TNC: variants seen among roughly 807,000 people sequenced by gnomAD.
The protein encoded by TNC is tenascin.
A neutral mutation model predicts 202.4 loss-of-function variants in TNC; 109 were observed. The observed-to-expected ratio is 0.54, with a 90% CI of 0.46 to 0.63. The LOEUF is 0.63. Among genes scored for constraint, TNC ranks in the 30% least tolerant of loss-of-function variants. TNC has a pLI of 0.00. For synonymous variants in TNC, 1,007 were observed against 1,089.7 expected, an observed-to-expected ratio of 0.92 and a Z score of 1.50; for missense variants, 2,756 against 2,833.3, an observed-to-expected ratio of 0.97 and a Z score of 0.62.
chr9:115,041,456 C>A (rs1374706824), intron 18 of TNC, among the ~76,000 whole-genome samples: 6 of 152,116 alleles, frequency 3.9e-5, no homozygotes, highest in Admixed American at 2.6e-4. Context: ...ATCTATTGCA[C>A]CCATTGTCTT....
At chr9:115,095,212 G>A (rs966048374) in intron 1 of TNC, among the ~76,000 whole-genome samples, 103 of 149,104 alleles carry the variant, frequency 6.9e-4, no homozygotes, top group African/African-American at 2.4e-3. Flanking sequence ...TAATGTATGC[G>A]AAAGAAATGG....
intron 1 of TNC, among the ~76,000 whole-genome samples, chr9:115,093,793 T>C (rs973042433): frequency 3.9e-5 from 6 of 152,142 alleles, no homozygotes; most frequent in African/African-American, 1.4e-4. Flanking sequence ...GACCAGAGTG[T>C]GAGTAGAGTG....
chr9:115,087,297 C>G, intron 2 of TNC, 24 bp from the exon 3 acceptor site: 1 of 1,605,454 alleles, frequency 6.2e-7, no homozygotes, highest in Non-Finnish European at 8.5e-7. Flanking sequence ...AACAGAAGTT[C>G]TCAGCCAGGC....
intron 6 of TNC, among the ~76,000 whole-genome samples, chr9:115,080,117 G>A (rs950537710): frequency 1.3e-5 from 2 of 151,896 alleles, no homozygotes; most frequent in Admixed American, 6.6e-5. Flanking sequence ...AAAATGAACA[G>A]GTAAATATTT....
chr9:115,116,063 A>G (rs1837440011), intron 1 of TNC, among the ~76,000 whole-genome samples: 1 of 152,210 alleles, frequency 6.6e-6, no homozygotes, highest in Admixed American at 6.5e-5. Context: ...AGTGTTTGCC[A>G]TATATTACCT....
intron 2 of TNC, among the ~76,000 whole-genome samples, chr9:115,090,213 G>A (rs1022154391): frequency 6.6e-5 from 10 of 152,264 alleles, no homozygotes; most frequent in Middle Eastern, 3.4e-3. Context: ...GCTCTCTGGG[G>A]TAGAAATTTC....
At chr9:115,030,195 C>T (rs199978073) in intron 24 of TNC, 59 bp downstream of exon 24, 3 of 1,525,156 alleles carry the variant, frequency 2.0e-6, no homozygotes, top group South Asian at 2.6e-5. Flanking sequence ...TCCTCCCCTG[C>T]TTTGCCCTCT....
intron 10 of TNC, among the ~76,000 whole-genome samples, chr9:115,070,157 A>C (rs1833357143): frequency 6.6e-6 from 1 of 152,156 alleles, no homozygotes; most frequent in Non-Finnish European, 1.5e-5. Context: ...ATACTTGCAT[A>C]ATATCAAGGC....
chr9:115,085,722 G>T (rs1016085948), intron 3 of TNC, 142 bp downstream of exon 3: 2 of 869,380 alleles, frequency 2.3e-6, no homozygotes, highest in Non-Finnish European at 3.4e-6. Flanking sequence ...GTCATTATGG[G>T]TGTGTGTTTA....
rs1231128613 is a variant in TNC, at chr9:115,030,337, G to A, written c.5989C>T (p.Leu1997Phe). 1 of 1,613,522 alleles carries A rather than the reference G, an allele frequency of 6.2e-7. No individual in the cohort carries two copies. The highest frequency in any genetic ancestry group is 8.5e-7 in the Non-Finnish European group (1 of 1,179,698). ...TCACCATTCAGATAAATGGTGTAGA[G>A]GCCAGAGGTCGTGTCTCCATTCAGC... Reference protein sequence around the residue: ...AMLNGDTTSGLYTIYLNGDKA... With the variant: ...AMLNGDTTSGFYTIYLNGDKA... The change falls in exon 24 of 28, where the codon CTC becomes TTC. Residue 1997 changes from leucine to phenylalanine, a missense_variant. Coordinates refer to ENST00000350763, the MANE Select transcript of TNC (RefSeq NM_002160.4).
chr9:115,063,290 G>A (rs887342279), intron 12 of TNC, 101 bp from the exon 13 acceptor site: 91 of 1,297,530 alleles, frequency 7.0e-5, no homozygotes, highest in Non-Finnish European at 9.8e-5. Flanking sequence ...GAGTTGTCTG[G>A]TTAGTGTTGA....
At chr9:115,089,792 G>A (rs929614751) in intron 2 of TNC, among the ~76,000 whole-genome samples, 6 of 152,172 alleles carry the variant, frequency 3.9e-5, no homozygotes, top group Non-Finnish European at 7.4e-5. Flanking sequence ...GAACCACTGC[G>A]CCTAGCCAAA....
intron 27 of TNC, among the ~76,000 whole-genome samples, chr9:115,021,791 G>C (rs546994280): frequency 6.6e-6 from 1 of 152,292 alleles, no homozygotes; most frequent in South Asian, 2.1e-4. Context: ...TTACTTGAGA[G>C]ATAAATAGTC....
intron 14 of TNC, among the ~76,000 whole-genome samples, chr9:115,057,962 T>C (rs1832262221): frequency 6.6e-6 from 1 of 152,266 alleles, no homozygotes; most frequent in Non-Finnish European, 1.5e-5. Context: ...ATTTTGTGAC[T>C]TAATGGTAAT....
rs770757865 is a variant in TNC, at chr9:115,087,026, G to T, written c.705C>A (p.Val235=). 1.9e-6 allele frequency: 3 copies of T among 1,613,348 alleles called. No individual in the cohort carries two copies. The highest frequency in any genetic ancestry group is 3.3e-5 in the Admixed American group (2 of 59,954). The change falls in exon 3 of 28, where the codon GTC becomes GTA. Residue 235 remains valine (V), a synonymous_variant. Transcript: ENST00000350763. ...CGGCGTAGCCTTCGAAACAGATGCAGACTCCATTTACGCACTTGCCCTGGT... is the reference window on the plus strand; with the variant it reads ...CGGCGTAGCCTTCGAAACAGATGCATACTCCATTTACGCACTTGCCCTGGT... ...CNDQGKCVNG[V]CICFEGYAGA...
At chr9:115,115,592 T>G (rs2134513263) in intron 1 of TNC, among the ~76,000 whole-genome samples, 1 of 152,366 alleles carries the variant, frequency 6.6e-6, no homozygotes. Flanking sequence ...TAGAATTAAT[T>G]AAAATAGCCT....
rs1353692632 is a variant in TNC, at chr9:115,073,596, G to A, written c.3214+7C>T. 1 of 1,610,676 alleles carries A rather than the reference G, an allele frequency of 6.2e-7. No individual in the cohort carries two copies. The highest frequency in any genetic ancestry group is 1.3e-5 in the African/African-American group (1 of 74,982). ...TAGAGTTTGGAGGAAGCTCAGGGCA[G>A]ACTCACCAGTGGATGCCTTCACACG... On this transcript the variant is annotated splice_region_variant and intron_variant, in intron 10 of 27. Transcript: ENST00000350763.
rs746905889 is a variant in TNC at position 115,046,584 on chromosome 9, C to G, written c.4951G>C (p.Val1651Leu). ...TADEGVFDNFVLKIRDTKKQS... is the reference protein window; with the variant it reads ...TADEGVFDNFLLKIRDTKKQS... Reference sequence around the variant, plus strand: ...TTTTTGGTATCTCTGATTTTGAGAACAAAATTGTCGAAGACCCCTTCATCA... The same window carrying G: ...TTTTTGGTATCTCTGATTTTGAGAAGAAAATTGTCGAAGACCCCTTCATCA... The change falls in exon 17 of 28, where the codon GTT (valine) becomes CTT (leucine). Residue 1651 changes from valine to leucine, a missense_variant. By Grantham distance (32) the Val-to-Leu change is conservative (BLOSUM62 1). Transcript: ENST00000350763. 6.2e-7 allele frequency: 1 copy of G among 1,613,884 alleles called. No homozygotes were observed. Among genetic ancestry groups the G allele is most frequent in the African/African-American group, 1.3e-5 (1 of 74,866 alleles).
intron 16 of TNC, 83 bp downstream of exon 16, chr9:115,048,177 G>A (rs1310688622): frequency 1.3e-6 from 2 of 1,507,772 alleles, no homozygotes; most frequent in Non-Finnish European, 1.8e-6. Flanking sequence ...GAACAAAGAT[G>A]TTAAAGTCAT....
Sources: gnomAD v4.1 joint callset for allele counts (sites outside exome capture counted in the v4.1 genomes callset) on GRCh38, gnomAD v4.1.1 for gene constraint, MANE v1.5 for transcripts, NCBI Gene and HGNC (gene_info 2026-07-23, HGNC 2026-07-21) for gene names.